GPC5: variants seen among roughly 807,000 people sequenced by gnomAD.
GPC5 encodes glypican 5.
A neutral mutation model predicts 53.9 loss-of-function variants in GPC5; 47 were observed. That is an observed-to-expected ratio of 0.87 (90% confidence interval 0.69 to 1.11). GPC5 has a LOEUF of 1.11. Ranked by LOEUF, GPC5 falls within the 50% of genes most tolerant of loss-of-function variation. The pLI is 0.00. For synonymous variants in GPC5, 286 were observed against 263.3 expected (o/e 1.09, Z -0.84); for missense variants, 748 against 713.1 (o/e 1.05, Z -0.56).
chr13:92,155,928 C>G (rs59691786), intron 7 of GPC5, among the ~76,000 whole-genome samples: 20,771 of 152,114 alleles, frequency 0.14, 1,669 homozygotes, highest in Admixed American at 0.18. Flanking sequence ...GAGATCATAA[C>G]AGAATATGCA....
intron 7 of GPC5, among the ~76,000 whole-genome samples, chr13:92,166,088 T>C (rs987767047): frequency 6.6e-5 from 10 of 152,208 alleles, no homozygotes; most frequent in Admixed American, 1.3e-4. Flanking sequence ...AGAAACTTAC[T>C]TAAAGAAATG....
intron 6 of GPC5, among the ~76,000 whole-genome samples, chr13:92,032,977 C>A (rs1283488789): frequency 6.6e-6 from 1 of 151,926 alleles, no homozygotes; most frequent in East Asian, 1.9e-4. Flanking sequence ...AGCGCTATCT[C>A]CAGTACTACC....
At chr13:92,347,882 T>TAA (rs1491589093) in intron 7 of GPC5, among the ~76,000 whole-genome samples, 19 of 2,326 alleles carry the variant, frequency 8.2e-3, no homozygotes, top group African/African-American at 0.038. Context: ...ATAATATATA[T>TAA]TATATATATT....
chr13:91,572,105 A>ATG (rs2031908507), intron 2 of GPC5, among the ~76,000 whole-genome samples: 1 of 126,586 alleles, frequency 7.9e-6, no homozygotes, highest in African/African-American at 2.7e-5. Context: ...GTGTGTATAT[A>ATG]CACACATGTA....
At chr13:91,927,796 A>T (rs1187940187) in intron 6 of GPC5, among the ~76,000 whole-genome samples, 1 of 152,214 alleles carries the variant, frequency 6.6e-6, no homozygotes, top group African/African-American at 2.4e-5. Flanking sequence ...GGCATTGCAG[A>T]CATCCCACTC....
chr13:91,634,254 T>C lies in GPC5; in HGVS notation c.326-58933T>C, dbSNP rs145106761. ...GACACTTCAGTAAATATAAAATATG[T>C]TGGGTATTAAGTGGAAAAAGAAAAA... On this transcript the variant is annotated intron_variant, in intron 2 of 7. Coordinates refer to ENST00000377067, the MANE Select transcript of GPC5 (RefSeq NM_004466.6). 3.0e-3 allele frequency among the ~76,000 whole-genome samples: 449 copies of C among 152,088 alleles called. 1 individual carries two copies. The highest frequency in any genetic ancestry group is 0.01 in the Middle Eastern group (3 of 292).
At chr13:91,769,040 C>A (rs1253600205) in intron 5 of GPC5, among the ~76,000 whole-genome samples, 2 of 151,970 alleles carry the variant, frequency 1.3e-5, no homozygotes. Flanking sequence ...TCTCTGAAAG[C>A]AACTTATTTT....
intron 7 of GPC5, among the ~76,000 whole-genome samples, chr13:92,177,061 TTTGA>T (rs1202799878): frequency 6.6e-6 from 1 of 152,208 alleles, no homozygotes; most frequent in African/African-American, 2.4e-5. Flanking sequence ...CCATCATTGT[TTTGA>T]TTGATCTGCC....
At chr13:92,467,625 C>T (rs571832506) in intron 7 of GPC5, among the ~76,000 whole-genome samples, 3 of 152,122 alleles carry the variant, frequency 2.0e-5, no homozygotes, top group Non-Finnish European at 4.4e-5. Flanking sequence ...AACTGAATCA[C>T]ATAGAGGTAA....
intron 6 of GPC5, among the ~76,000 whole-genome samples, chr13:92,144,434 TG>T (rs370435364): frequency 6.6e-6 from 1 of 152,198 alleles, no homozygotes; most frequent in Admixed American, 6.5e-5. Context: ...ATACGGAGTG[TG>T]GGTTTACAAA....
intron 7 of GPC5, among the ~76,000 whole-genome samples, chr13:92,690,639 C>T (rs948777606): frequency 5.6e-4 from 81 of 145,776 alleles, no homozygotes; most frequent in Non-Finnish European, 7.9e-4. Flanking sequence ...GGAGGAGAGG[C>T]GCTCTGCGTT....
At chr13:91,737,860 TC>T (rs1295842912) in intron 4 of GPC5, among the ~76,000 whole-genome samples, 1 of 151,446 alleles carries the variant, frequency 6.6e-6, no homozygotes, top group African/African-American at 2.5e-5. Flanking sequence ...ACTCTGAAAT[TC>T]TTTAGCTGGA....
chr13:92,566,476 C>G (rs1455339303), intron 7 of GPC5, among the ~76,000 whole-genome samples: 6 of 152,070 alleles, frequency 3.9e-5, no homozygotes, highest in Non-Finnish European at 7.4e-5. Flanking sequence ...TACATCACAG[C>G]CCACAGGCTT....
At chr13:92,247,542 TC>T (rs1201286876) in intron 7 of GPC5, among the ~76,000 whole-genome samples, 1 of 152,090 alleles carries the variant, frequency 6.6e-6, no homozygotes, top group Non-Finnish European at 1.5e-5. Context: ...AAATAGAAAT[TC>T]TTTATTAGAA....
intron 2 of GPC5, among the ~76,000 whole-genome samples, chr13:91,619,058 T>C (rs188917260): frequency 2.0e-5 from 3 of 152,188 alleles, no homozygotes; most frequent in Admixed American, 2.0e-4. Context: ...TTACTCTTTT[T>C]AAATTGGATG....
At chr13:91,988,572 C>G (rs990754869) in intron 6 of GPC5, among the ~76,000 whole-genome samples, 2 of 152,162 alleles carry the variant, frequency 1.3e-5, no homozygotes, top group Non-Finnish European at 2.9e-5. Flanking sequence ...CTGTTGGTAG[C>G]AGAGCAGCCA....
intron 2 of GPC5, among the ~76,000 whole-genome samples, chr13:91,690,494 T>G (rs2035734953): frequency 6.6e-6 from 1 of 152,152 alleles, no homozygotes; most frequent in Non-Finnish European, 1.5e-5. Context: ...ATAATGATAT[T>G]TGGAAATGCT....
chr13:91,692,907 G>A (rs935606415), intron 2 of GPC5, among the ~76,000 whole-genome samples: 1 of 152,204 alleles, frequency 6.6e-6, no homozygotes, highest in African/African-American at 2.4e-5. Flanking sequence ...GCTTCCCAAA[G>A]TGCTGGAATT....
chr13:92,622,246 C>T (rs1364124156), intron 7 of GPC5, among the ~76,000 whole-genome samples: 4 of 152,208 alleles, frequency 2.6e-5, no homozygotes, highest in Admixed American at 2.6e-4. Context: ...GAAGACCCAG[C>T]TCCTCCTGGA....
Sources: allele counts gnomAD v4.1 joint callset (sites outside exome capture counted in the v4.1 genomes callset), GRCh38; gene constraint gnomAD v4.1.1; transcripts MANE v1.5; gene names NCBI Gene and HGNC (gene_info 2026-07-23, HGNC 2026-07-21).